Variants in PDGFRL observed in about 807,000 individuals in gnomAD.
The protein encoded by PDGFRL is platelet-derived growth factor receptor-like protein.
Under a neutral mutation model 37.2 loss-of-function variants are expected in PDGFRL, and 46 were observed. The ratio of observed to expected loss-of-function variants is 1.24; its 90% CI spans 0.98 to 1.58. PDGFRL has a LOEUF of 1.58. Among genes scored for constraint, PDGFRL ranks in the 40% most tolerant of loss-of-function variants. The pLI, the probability that PDGFRL is intolerant of heterozygous loss-of-function variation, is 0.00. For synonymous variants in PDGFRL, 251 were observed against 184.3 expected (o/e 1.36, Z -2.93); for missense variants, 692 against 467.6 (o/e 1.48, Z -4.43).
At chr8:17,617,982 C>T (rs1473509637) in intron 2 of PDGFRL, among the ~76,000 whole-genome samples, 1 of 111,512 alleles carries the variant, frequency 9.0e-6, no homozygotes, top group Non-Finnish European at 2.1e-5. Context: ...TCCATTTTCC[C>T]TTCCCTTTTC....
At chr8:17,577,176 C>G, upstream of PDGFRL, 4 of 1,558,312 alleles carry the variant, frequency 2.6e-6, no homozygotes, top group Admixed American at 1.9e-5. Context: ...GAGCCCGCCC[C>G]TCGCCCGCCG....
chr8:17,589,959 C>T (rs181139242), intron 2 of PDGFRL, among the ~76,000 whole-genome samples, 194 bp downstream of exon 2: 33 of 152,004 alleles, frequency 2.2e-4, no homozygotes, highest in African/African-American at 4.3e-4. Context: ...AGGCCGGGTG[C>T]GGTGGCTCAT....
At chr8:17,627,470 A>AT (rs11367536) in intron 3 of PDGFRL, among the ~76,000 whole-genome samples, 2,182 of 147,354 alleles carry the variant, frequency 0.015, 41 homozygotes, top group African/African-American at 0.04. Flanking sequence ...ACCGATTGCA[A>AT]TTTTTTTTTT....
intron 1 of PDGFRL, 51 bp from the exon 2 acceptor site, chr8:17,589,417 T>C: frequency 7.1e-7 from 1 of 1,399,378 alleles, no homozygotes; most frequent in South Asian, 1.3e-5. Context: ...GCCTCAAATA[T>C]TCCAAAAATG....
intron 1 of PDGFRL, among the ~76,000 whole-genome samples, chr8:17,582,275 G>A (rs952522333): frequency 2.6e-5 from 4 of 152,078 alleles, no homozygotes; most frequent in Non-Finnish European, 5.9e-5. Context: ...CTCAAGTAGT[G>A]GTGGGTGTGG....
intron 1 of PDGFRL, among the ~76,000 whole-genome samples, chr8:17,581,307 C>T (rs1017174394): frequency 6.6e-5 from 10 of 152,134 alleles, no homozygotes; most frequent in African/African-American, 1.4e-4. Flanking sequence ...GGGCTTGTAC[C>T]GGTTGCCAGT....
chr8:17,603,496 T>A (rs1402954714), intron 2 of PDGFRL, among the ~76,000 whole-genome samples: 3 of 152,180 alleles, frequency 2.0e-5, no homozygotes, highest in African/African-American at 7.2e-5. Flanking sequence ...ACCTCCAGAC[T>A]CAGTCCATCC....
At chr8:17,635,692 A>T (rs1288438657) in intron 5 of PDGFRL, among the ~76,000 whole-genome samples, 1 of 152,196 alleles carries the variant, frequency 6.6e-6, no homozygotes, top group Non-Finnish European at 1.5e-5. Flanking sequence ...TTCTTTAAGG[A>T]ATCTCCACAG....
intron 2 of PDGFRL, among the ~76,000 whole-genome samples, chr8:17,613,684 C>T (rs949795961): frequency 6.6e-6 from 1 of 152,114 alleles, no homozygotes; most frequent in Non-Finnish European, 1.5e-5. Context: ...TCGATGCCAG[C>T]CTGGGCAACG....
At chr8:17,607,873 T>A (rs1437665267) in intron 2 of PDGFRL, among the ~76,000 whole-genome samples, 1 of 152,216 alleles carries the variant, frequency 6.6e-6, no homozygotes, top group Non-Finnish European at 1.5e-5. Context: ...TGTCCACTAG[T>A]GTATAATTGT....
Position 17,589,775 on chromosome 8 carries a change from T to G in PDGFRL, c.353+10T>G, listed in dbSNP as rs754578706. 1 of 1,559,320 alleles carries G rather than the reference T, an allele frequency of 6.4e-7. No homozygotes were observed. On this transcript the variant is annotated intron_variant, in intron 2 of 5. Coordinates refer to ENST00000251630, the MANE Select transcript of PDGFRL (RefSeq NM_001372073.1). ...AGGATTCTCGCCTCAGGTAAGCATT[T>G]TTTTTTAAAACTGTGTAGGGTTGAG...
intron 2 of PDGFRL, among the ~76,000 whole-genome samples, chr8:17,603,607 C>A (rs1353363148): frequency 6.6e-6 from 1 of 152,156 alleles, no homozygotes; most frequent in Non-Finnish European, 1.5e-5. Flanking sequence ...TTTCTTGACT[C>A]CTCTGCCCTG....
chr8:17,598,629 A>G (rs1804102043), intron 2 of PDGFRL, among the ~76,000 whole-genome samples: 1 of 152,182 alleles, frequency 6.6e-6, no homozygotes, highest in Admixed American at 6.5e-5. Flanking sequence ...AATGTATTTC[A>G]TATCTATGGT....
chr8:17,603,321 T>G (rs1211159175), intron 2 of PDGFRL, among the ~76,000 whole-genome samples: 1 of 152,166 alleles, frequency 6.6e-6, no homozygotes, highest in Non-Finnish European at 1.5e-5. Flanking sequence ...GAGCAGACAT[T>G]TGTAAGTGTA....
intron 2 of PDGFRL, among the ~76,000 whole-genome samples, chr8:17,619,745 G>A (rs1804595385): frequency 6.6e-6 from 1 of 152,146 alleles, no homozygotes; most frequent in Non-Finnish European, 1.5e-5. Flanking sequence ...GCTTACAAAC[G>A]ATTCATGAGA....
At position 17,596,227 on chromosome 8, in the gene PDGFRL, G is replaced by C. The variant is rs149020795; in HGVS notation, c.353+6462G>C. ...CGTCCACTGAGCCCCGTGTGACTCT[G>C]ACCGGGCTGGGGGTGTCCATGTCCT... On this transcript the variant is annotated intron_variant, in intron 2 of 5. Transcript: ENST00000251630. The C allele has an allele frequency of 1.0e-5, 6 of 575,574 alleles. No homozygotes were observed. The East Asian group carries it at 2.1e-4, about 20-fold the overall frequency. The allele number at this position is 575,574 out of a possible 1,614,324, so 35.7% of individuals were successfully genotyped here.
At chr8:17,590,928 G>A (rs192750661) in intron 2 of PDGFRL, among the ~76,000 whole-genome samples, 9 of 142,038 alleles carry the variant, frequency 6.3e-5, no homozygotes, top group African/African-American at 2.1e-4. Context: ...TGTCCCACAG[G>A]TTGGAGTGCA....
At chr8:17,638,882 CTGATA>C (rs1805035926) in intron 5 of PDGFRL, among the ~76,000 whole-genome samples, 1 of 149,694 alleles carries the variant, frequency 6.7e-6, no homozygotes, top group Non-Finnish European at 1.5e-5. Flanking sequence ...TTTGTTCTGT[CTGATA>C]TAAGAACAGC....
At chr8:17,626,876 T>A (rs151291534) in intron 3 of PDGFRL, among the ~76,000 whole-genome samples, 3 of 152,286 alleles carry the variant, frequency 2.0e-5, no homozygotes, top group African/African-American at 7.2e-5. Context: ...TCATCTGAGC[T>A]TAAAGAACCA....
Sources: allele counts gnomAD v4.1 joint callset (sites outside exome capture counted in the v4.1 genomes callset), GRCh38; gene constraint gnomAD v4.1.1; transcripts MANE v1.5; gene names NCBI Gene and HGNC (gene_info 2026-07-23, HGNC 2026-07-21).